Variants in MPP7 observed in about 807,000 individuals in gnomAD.
The protein encoded by MPP7 is MAGUK p55 scaffold protein 7, also known as MAGUK p55 subfamily member 7.
A neutral mutation model predicts 76.5 loss-of-function variants in MPP7; 60 were observed. That is an observed-to-expected ratio of 0.78 (90% CI 0.64 to 0.97). MPP7 has a LOEUF of 0.97. Among genes scored for constraint, MPP7 ranks in the 50% least tolerant of loss-of-function variants. MPP7 has a pLI of 0.00. For synonymous variants in MPP7, 237 were observed against 244.5 expected, an observed-to-expected ratio of 0.97 and a Z score of 0.29; for missense variants, 641 against 694.0, an observed-to-expected ratio of 0.92 and a Z score of 0.86.
chr10:28,312,652 G>A (rs905515177), intron 2 of MPP7, among the ~76,000 whole-genome samples: 3 of 152,176 alleles, frequency 2.0e-5, no homozygotes, highest in African/African-American at 7.2e-5. Flanking sequence ...TATTCAGAAA[G>A]AAGGCCAGTG....
In MPP7 at chr10:28,056,684, T is replaced by C. The variant is rs188003213; in HGVS notation, c.1408-61A>G. On this transcript the variant is annotated intron_variant, in intron 15 of 16. Transcript: ENST00000683449. Reference sequence around the variant, plus strand: ...CCATAGCATCATGAATTACTGAATTTTCTTTCTAGGAGAAAATTCCTCAAA... The same window carrying C: ...CCATAGCATCATGAATTACTGAATTCTCTTTCTAGGAGAAAATTCCTCAAA... 96 of 1,438,130 alleles carry C rather than the reference T, an allele frequency of 6.7e-5. No individual in the cohort carries two copies. In the East Asian group the frequency reaches 2.3e-3, roughly 35 times the overall value. The allele number at this position is 1,438,130 out of a possible 1,614,324, so 89.1% of individuals were successfully genotyped here.
At chr10:28,201,651 C>T (rs911481121) in intron 3 of MPP7, among the ~76,000 whole-genome samples, 5 of 152,106 alleles carry the variant, frequency 3.3e-5, no homozygotes, top group Admixed American at 6.5e-5. Context: ...TACTCACATT[C>T]GGCTTCAGTG....
At chr10:28,058,393 A>C (rs985630632) in intron 15 of MPP7, 102 bp downstream of exon 15, 9 of 557,772 alleles carry the variant, frequency 1.6e-5, no homozygotes, top group African/African-American at 5.8e-5. Context: ...CATATATGCC[A>C]AAAGTGAGTT....
At chr10:28,173,379 T>C (rs1836751732) in intron 3 of MPP7, among the ~76,000 whole-genome samples, 1 of 152,054 alleles carries the variant, frequency 6.6e-6, no homozygotes, top group African/African-American at 2.4e-5. Flanking sequence ...AAGGCAAACA[T>C]AAATAGATGG....
chr10:28,112,234 G>A (rs1239021207), intron 11 of MPP7, among the ~76,000 whole-genome samples: 1 of 152,148 alleles, frequency 6.6e-6, no homozygotes, highest in Non-Finnish European at 1.5e-5. Context: ...AAACAGCTAG[G>A]CATGATGGAC....
At chr10:28,320,538 C>T (rs1421622305) in intron 2 of MPP7, among the ~76,000 whole-genome samples, 1 of 151,798 alleles carries the variant, frequency 6.6e-6, no homozygotes, top group African/African-American at 2.4e-5. Flanking sequence ...AAAAGAGGAC[C>T]TTTAGAATAA....
At chr10:28,111,528 A>G (rs1588786435) in intron 11 of MPP7, among the ~76,000 whole-genome samples, 2 of 152,188 alleles carry the variant, frequency 1.3e-5, no homozygotes, top group East Asian at 3.8e-4. Context: ...TTGTAAATCA[A>G]TCTGTTCAAC....
chr10:28,276,340 G>A (rs1042164514), intron 1 of MPP7, among the ~76,000 whole-genome samples: 12 of 152,002 alleles, frequency 7.9e-5, no homozygotes, highest in African/African-American at 2.9e-4. Flanking sequence ...CTTGTCACAT[G>A]CTTTTTACAA....
intron 3 of MPP7, among the ~76,000 whole-genome samples, chr10:28,185,367 G>A (rs982256914): frequency 6.6e-6 from 1 of 152,074 alleles, no homozygotes; most frequent in South Asian, 2.1e-4. Context: ...GACTACAGTT[G>A]CCTCTTTGCA....
At chr10:28,104,753 A>G (rs1853990494) in intron 11 of MPP7, among the ~76,000 whole-genome samples, 2 of 152,096 alleles carry the variant, frequency 1.3e-5, no homozygotes, top group African/African-American at 4.8e-5. Context: ...TATTCTTTTT[A>G]AAAGTCTTTT....
chr10:28,187,315 G>C (rs932783781), intron 3 of MPP7, among the ~76,000 whole-genome samples: 3 of 152,100 alleles, frequency 2.0e-5, no homozygotes, highest in African/African-American at 7.2e-5. Context: ...ATTTACTCAG[G>C]GTCTCAGGAA....
At chr10:28,252,638 T>C (rs1353576737) in intron 1 of MPP7, among the ~76,000 whole-genome samples, 2 of 152,220 alleles carry the variant, frequency 1.3e-5, no homozygotes, top group Non-Finnish European at 2.9e-5. Context: ...GAAGTACACC[T>C]GTATCTAACA....
chr10:28,259,209 A>G (rs1839876355), intron 1 of MPP7, among the ~76,000 whole-genome samples: 1 of 152,180 alleles, frequency 6.6e-6, no homozygotes, highest in South Asian at 2.1e-4. Context: ...CATTACATAC[A>G]AAACTACTTT....
intron 5 of MPP7, among the ~76,000 whole-genome samples, chr10:28,139,937 G>C (rs1564653265): frequency 6.6e-6 from 1 of 152,100 alleles, no homozygotes; most frequent in Non-Finnish European, 1.5e-5. Context: ...AAGGTTAACA[G>C]GTTGTATATT....
chr10:28,081,496 G>A (rs559228336), intron 12 of MPP7, among the ~76,000 whole-genome samples: 11 of 152,262 alleles, frequency 7.2e-5, no homozygotes, highest in African/African-American at 2.6e-4. Flanking sequence ...TGGCTAAAAT[G>A]AGGCTTAAGA....
At chr10:28,173,227 G>GAAAA (rs71523597) in intron 3 of MPP7, among the ~76,000 whole-genome samples, 2,928 of 116,442 alleles carry the variant, frequency 0.025, 34 homozygotes, top group South Asian at 0.054. Flanking sequence ...GAGTAGCGAT[G>GAAAA]AAAAAAAAAA....
chr10:28,212,305 G>C (rs1838164982), intron 2 of MPP7, among the ~76,000 whole-genome samples: 1 of 152,092 alleles, frequency 6.6e-6, no homozygotes, highest in Non-Finnish European at 1.5e-5. Context: ...CACAAGTTCA[G>C]GTGGATTTTC....
intron 3 of MPP7, among the ~76,000 whole-genome samples, chr10:28,193,276 G>A (rs1401651762): frequency 8.0e-5 from 12 of 149,642 alleles, no homozygotes; most frequent in South Asian, 4.2e-4. Context: ...GCAGTGGCAC[G>A]ATCCCAGCTC....
intron 6 of MPP7, among the ~76,000 whole-genome samples, chr10:28,130,643 CTG>C (rs759532636): frequency 6.6e-6 from 1 of 152,188 alleles, no homozygotes; most frequent in African/African-American, 2.4e-5. Flanking sequence ...AATCTTCTCT[CTG>C]TGTGTTTTTC....
Sources: gnomAD v4.1 joint callset for allele counts (sites outside exome capture counted in the v4.1 genomes callset) on GRCh38, gnomAD v4.1.1 for gene constraint, MANE v1.5 for transcripts, NCBI Gene and HGNC (gene_info 2026-07-23, HGNC 2026-07-21) for gene names.